The following NKAIN2 variants were observed in gnomAD, a reference collection of about 807,000 sequenced individuals.
NKAIN2 encodes sodium/potassium-transporting ATPase subunit beta-1-interacting protein 2.
In NKAIN2, 14 loss-of-function variants were observed where a neutral mutation model predicts 32.6. That is an observed-to-expected ratio of 0.43 (90% CI 0.28 to 0.67). The LOEUF (loss-of-function observed/expected upper bound fraction) is 0.67, where lower values mean the gene tolerates loss of function less well. NKAIN2 is among the 30% of genes least tolerant of loss of function. The pLI, the probability that NKAIN2 is intolerant of heterozygous loss-of-function variation, is 0.17. For missense variants in NKAIN2, 198 were observed against 258.3 expected (o/e 0.77, Z 1.60); for synonymous variants, 80 against 87.2 (o/e 0.92, Z 0.46).
chr6:124,257,987 G>T (rs1052547171), intron 1 of NKAIN2, among the ~76,000 whole-genome samples: 1 of 151,652 alleles, frequency 6.6e-6, no homozygotes, highest in African/African-American at 2.4e-5. Flanking sequence ...CACCATGTTG[G>T]CCAGGCTGGT....
intron 1 of NKAIN2, among the ~76,000 whole-genome samples, chr6:124,237,400 CAG>C (rs1419431838): frequency 6.6e-6 from 1 of 151,960 alleles, no homozygotes; most frequent in African/African-American, 2.4e-5. Context: ...GAGCCTGAAA[CAG>C]AGGATCTGGA....
chr6:123,834,299 C>G (rs1438187952), intron 1 of NKAIN2, among the ~76,000 whole-genome samples: 1 of 151,848 alleles, frequency 6.6e-6, no homozygotes, highest in Non-Finnish European at 1.5e-5. Flanking sequence ...GGATTACAGG[C>G]GTGTGCCACC....
intron 1 of NKAIN2, among the ~76,000 whole-genome samples, chr6:123,972,609 G>T (rs1193489444): frequency 2.0e-5 from 3 of 152,116 alleles, no homozygotes; most frequent in African/African-American, 7.2e-5. Flanking sequence ...CTCTATAAAA[G>T]ATAAGAGCCT....
At chr6:124,165,132 T>A (rs2114470062) in intron 1 of NKAIN2, among the ~76,000 whole-genome samples, 1 of 152,258 alleles carries the variant, frequency 6.6e-6, no homozygotes, top group Non-Finnish European at 1.5e-5. Context: ...GTAATCTGTG[T>A]CTGTGGCTCT....
chr6:123,931,143 C>T (rs916704107), intron 1 of NKAIN2, among the ~76,000 whole-genome samples: 6 of 151,972 alleles, frequency 3.9e-5, no homozygotes, highest in Non-Finnish European at 5.9e-5. Context: ...TACCTCTTAA[C>T]TCACCGAGAC....
chr6:123,818,160 G>C (rs1219129525), intron 1 of NKAIN2, among the ~76,000 whole-genome samples: 2 of 152,100 alleles, frequency 1.3e-5, no homozygotes, highest in African/African-American at 2.4e-5. Flanking sequence ...TTTAAGATAG[G>C]AATGCATATT....
At chr6:124,378,431 A>C (rs1444651217) in intron 3 of NKAIN2, among the ~76,000 whole-genome samples, 1 of 152,078 alleles carries the variant, frequency 6.6e-6, no homozygotes, top group Non-Finnish European at 1.5e-5. Flanking sequence ...AACAGGATAC[A>C]CTGGGGTAAA....
intron 1 of NKAIN2, among the ~76,000 whole-genome samples, chr6:124,138,643 A>C (rs1786961664): frequency 9.1e-6 from 1 of 110,094 alleles, no homozygotes; most frequent in Non-Finnish European, 1.8e-5. Flanking sequence ...TAGGATAATT[A>C]TTATTAATAA....
chr6:124,410,815 T>C (rs556481628), intron 3 of NKAIN2, among the ~76,000 whole-genome samples: 5 of 152,178 alleles, frequency 3.3e-5, no homozygotes, highest in Admixed American at 6.5e-5. Flanking sequence ...CCATTATTAT[T>C]GTGTGGGAGT....
At chr6:124,393,614 A>C (rs1433576272) in intron 3 of NKAIN2, among the ~76,000 whole-genome samples, 2 of 152,136 alleles carry the variant, frequency 1.3e-5, no homozygotes, top group Non-Finnish European at 2.9e-5. Flanking sequence ...AAAAGGATGA[A>C]TCATAATAAA....
chr6:124,342,564 G>C (rs1056640271), intron 2 of NKAIN2, among the ~76,000 whole-genome samples: 2 of 151,854 alleles, frequency 1.3e-5, no homozygotes, highest in African/African-American at 2.4e-5. Flanking sequence ...CTGAAGCACA[G>C]TGGGATGATC....
At chr6:124,670,920 C>T (rs954044941) in intron 4 of NKAIN2, among the ~76,000 whole-genome samples, 9 of 151,996 alleles carry the variant, frequency 5.9e-5, no homozygotes, top group East Asian at 1.9e-4. Context: ...GGCCTTTTCA[C>T]GCTAGGTTTG....
chr6:124,740,762 C>G (rs192249377), intron 4 of NKAIN2, among the ~76,000 whole-genome samples: 2 of 151,580 alleles, frequency 1.3e-5, no homozygotes, highest in African/African-American at 2.4e-5. Context: ...AGAAGGAGCA[C>G]AGTAGAGAAC....
chr6:124,145,166 C>G (rs1001709527), intron 1 of NKAIN2, among the ~76,000 whole-genome samples: 5 of 152,192 alleles, frequency 3.3e-5, no homozygotes, highest in Non-Finnish European at 7.3e-5. Context: ...ACCTGACATA[C>G]ATTTCTGGTG....
intron 1 of NKAIN2, among the ~76,000 whole-genome samples, chr6:124,098,092 G>A (rs896262739): frequency 1.3e-5 from 2 of 152,176 alleles, no homozygotes; most frequent in African/African-American, 4.8e-5. Context: ...TGTAAGGCTA[G>A]TAAAAGGAGG....
chr6:124,016,098 G>C (rs1007174639), intron 1 of NKAIN2, among the ~76,000 whole-genome samples: 8 of 151,956 alleles, frequency 5.3e-5, no homozygotes, highest in Non-Finnish European at 1.2e-4. Context: ...CAATAGATTT[G>C]GGGAATATTA....
intron 1 of NKAIN2, among the ~76,000 whole-genome samples, chr6:124,039,202 A>G (rs993800512): frequency 2.0e-5 from 3 of 152,026 alleles, no homozygotes; most frequent in Admixed American, 6.6e-5. Context: ...AGAAATACCA[A>G]CTCTGAGAAA....
intron 4 of NKAIN2, among the ~76,000 whole-genome samples, chr6:124,750,534 T>TGGATGGATGGAC (rs1554260757): frequency 6.6e-6 from 1 of 151,318 alleles, no homozygotes; most frequent in Non-Finnish European, 1.5e-5. Flanking sequence ...GATGGATGGA[T>TGGATGGATGGAC]GGATGGATGG....
At chr6:124,146,799 CTAAA>C (rs1211674454) in intron 1 of NKAIN2, among the ~76,000 whole-genome samples, 1 of 152,018 alleles carries the variant, frequency 6.6e-6, no homozygotes, top group Admixed American at 6.6e-5. Context: ...TCTGGCAAAA[CTAAA>C]TGCATACTGT....
Sources: gnomAD v4.1 joint callset for allele counts (sites outside exome capture counted in the v4.1 genomes callset) on GRCh38, gnomAD v4.1.1 for gene constraint, MANE v1.5 for transcripts, NCBI Gene and HGNC (gene_info 2026-07-23, HGNC 2026-07-21) for gene names.